GOLM1: variants seen among roughly 807,000 people sequenced by gnomAD.
GOLM1 encodes epididymis luminal protein 46.
GOLM1 carries 31 observed loss-of-function variants against 50.5 expected under a neutral mutation model. The ratio of observed to expected loss-of-function variants is 0.61; its 90% CI spans 0.46 to 0.83. The LOEUF (loss-of-function observed/expected upper bound fraction) is 0.83, where lower values mean the gene tolerates loss of function less well. GOLM1 is among the 40% of genes least tolerant of loss of function. The pLI is 0.00. For missense variants in GOLM1, 491 were observed against 501.3 expected (o/e 0.98, Z 0.20); for synonymous variants, 178 against 192.8 (o/e 0.92, Z 0.64).
At chr9:86,077,254 G>A (rs1344560314) in intron 3 of GOLM1, among the ~76,000 whole-genome samples, 158 bp downstream of exon 3, 1 of 152,220 alleles carries the variant, frequency 6.6e-6, no homozygotes, top group Non-Finnish European at 1.5e-5. Flanking sequence ...ACTTGGAGGG[G>A]AAAGGGAGAG....
intron 1 of GOLM1, among the ~76,000 whole-genome samples, chr9:86,086,864 TAC>T (rs1455868212): frequency 2.0e-5 from 3 of 152,304 alleles, no homozygotes; most frequent in Admixed American, 2.0e-4. Context: ...AGCCTTGTGG[TAC>T]AGTTTGAAGT....
intron 1 of GOLM1, among the ~76,000 whole-genome samples, chr9:86,098,021 C>A (rs1229176495): frequency 6.6e-6 from 1 of 152,130 alleles, no homozygotes; most frequent in Non-Finnish European, 1.5e-5. Context: ...CCTGGCCCCA[C>A]CCTCAGCACT....
intron 3 of GOLM1, among the ~76,000 whole-genome samples, chr9:86,071,199 G>A (rs1379375505): frequency 6.6e-6 from 1 of 151,996 alleles, no homozygotes; most frequent in Non-Finnish European, 1.5e-5. Flanking sequence ...TGGGCTCAAG[G>A]TGATCCACCC....
chr9:86,046,719 AAC>A (rs775080404), intron 4 of GOLM1, 147 bp from the exon 5 acceptor site: 80 of 648,650 alleles, frequency 1.2e-4, no homozygotes, highest in Admixed American at 7.5e-4. Context: ...AAAAGCTGAA[AAC>A]ACAGTCCCTC....
At chr9:86,079,387 A>G in intron 1 of GOLM1, 46 bp from the exon 2 acceptor site, 1 of 1,444,636 alleles carries the variant, frequency 6.9e-7, no homozygotes, top group Non-Finnish European at 9.4e-7. Context: ...TAGTTTTATC[A>G]TCTCCGAAGC....
intron 6 of GOLM1, among the ~76,000 whole-genome samples, chr9:86,039,705 C>T (rs997977147): frequency 2.0e-5 from 3 of 152,110 alleles, no homozygotes; most frequent in Non-Finnish European, 4.4e-5. Flanking sequence ...TGGTGGCTCA[C>T]GCCTGTAATC....
chr9:86,080,406 C>T (rs1440432346), intron 1 of GOLM1, among the ~76,000 whole-genome samples: 1 of 152,158 alleles, frequency 6.6e-6, no homozygotes, highest in African/African-American at 2.4e-5. Flanking sequence ...CGTGGCTGCA[C>T]TGCAACAAAC....
chr9:86,095,357 T>C (rs939296910), intron 1 of GOLM1, among the ~76,000 whole-genome samples: 1 of 151,818 alleles, frequency 6.6e-6, no homozygotes, highest in Non-Finnish European at 1.5e-5. Flanking sequence ...GCCTCCCAGG[T>C]AGCTGGAATT....
In GOLM1 at chr9:86,099,466, C is replaced by T. The variant is rs1021054471; in HGVS notation, c.-77G>A. 2 of 151,236 alleles carry T rather than the reference C, an allele frequency of 1.3e-5. No individual in the cohort carries two copies. The highest frequency in any genetic ancestry group is 3.0e-5 in the Non-Finnish European group (2 of 67,728). 9.4% of individuals were successfully genotyped at this position (151,236 alleles called of 1,614,324 possible). ...GATCCGGGGCCCCGCTACGAGGCCG[C>T]CCGGGTCGCTCTCCCGCCGCCGCCG... On this transcript the variant is annotated 5_prime_UTR_variant, in exon 1 of 10. Coordinates refer to ENST00000388712, the MANE Select transcript of GOLM1 (RefSeq NM_016548.4).
At chr9:86,046,425 T>G in intron 5 of GOLM1, 45 bp downstream of exon 5, 1 of 1,127,044 alleles carries the variant, frequency 8.9e-7, no homozygotes, top group Non-Finnish European at 1.4e-6. Flanking sequence ...GCCTCCCAGG[T>G]GCCGTGCACC....
At chr9:86,080,146 A>G (rs1310113854) in intron 1 of GOLM1, 1 of 152,204 alleles carries the variant, frequency 6.6e-6, no homozygotes, top group African/African-American at 2.4e-5. Context: ...TTCATTTCTC[A>G]CTTTAGGGAC....
At chr9:86,036,780 A>G in intron 6 of GOLM1, 1 of 440,272 alleles carries the variant, frequency 2.3e-6, no homozygotes, top group South Asian at 3.9e-5. Context: ...ACGGAATAAT[A>G]AAATACCTAG....
chr9:86,093,568 CAA>C (rs35939357), intron 1 of GOLM1, among the ~76,000 whole-genome samples: 28 of 124,622 alleles, frequency 2.2e-4, no homozygotes, highest in Admixed American at 3.4e-4. Context: ...AGATTTCTGT[CAA>C]AAAAAAAAAA....
chr9:86,054,857 A>T (rs1364642723), intron 3 of GOLM1, among the ~76,000 whole-genome samples: 2 of 152,270 alleles, frequency 1.3e-5, no homozygotes, highest in Non-Finnish European at 2.9e-5. Flanking sequence ...TACAGCATGT[A>T]TGTGTGCTGG....
chr9:86,095,779 A>C (rs1489985488), intron 1 of GOLM1, among the ~76,000 whole-genome samples: 2 of 152,192 alleles, frequency 1.3e-5, no homozygotes, highest in East Asian at 3.8e-4. Context: ...AGAGGGATGG[A>C]GACTGACCTG....
intron 3 of GOLM1, among the ~76,000 whole-genome samples, chr9:86,072,041 A>C (rs1264074375): frequency 6.6e-6 from 1 of 152,248 alleles, no homozygotes; most frequent in Non-Finnish European, 1.5e-5. Context: ...AACAATGGTG[A>C]CTACAAAAAG....
intron 8 of GOLM1, chr9:86,034,958 C>A: frequency 1.5e-5 from 14 of 961,722 alleles, no homozygotes; most frequent in Non-Finnish European, 1.7e-5. Context: ...TTCATCTACC[C>A]AATATTCCTT....
chr9:86,096,139 G>T (rs902770732), intron 1 of GOLM1, among the ~76,000 whole-genome samples: 2 of 150,542 alleles, frequency 1.3e-5, no homozygotes, highest in Non-Finnish European at 2.9e-5. Context: ...AAATTACAGC[G>T]GCAATAAAGT....
chr9:86,093,916 C>T (rs1416036914), intron 1 of GOLM1, among the ~76,000 whole-genome samples: 1 of 152,222 alleles, frequency 6.6e-6, no homozygotes, highest in Non-Finnish European at 1.5e-5. Flanking sequence ...AGAAACTGGG[C>T]TTCTCCAAAC....
Sources: allele counts gnomAD v4.1 joint callset (sites outside exome capture counted in the v4.1 genomes callset), GRCh38; gene constraint gnomAD v4.1.1; transcripts MANE v1.5; gene names NCBI Gene and HGNC (gene_info 2026-07-23, HGNC 2026-07-21).